PGBD2: variants seen among roughly 807,000 people sequenced by gnomAD.
PGBD2 encodes piggyBac transposable element-derived protein 2.
In PGBD2, 6 loss-of-function variants were observed where a neutral mutation model predicts 8.1. That is an observed-to-expected ratio of 0.74 (90% CI 0.40 to 1.46). PGBD2 has a LOEUF of 1.46. Among genes scored for constraint, PGBD2 ranks in the 40% most tolerant of loss-of-function variants. The probability of loss-of-function intolerance (pLI) is 0.02; values close to 1 mark genes in which losing one functional copy is unlikely to be tolerated. For missense variants in PGBD2, 802 were observed against 739.0 expected (o/e 1.09, Z -0.99); for synonymous variants, 318 against 272.2 (o/e 1.17, Z -1.66).
At chr1:248,888,822 G>A in the PGBD2 span, among the ~76,000 whole-genome samples, 2 of 152,194 alleles carry the variant, frequency 1.3e-5, no homozygotes, top group East Asian at 1.9e-4. Context: ...CAAGGCGAAT[G>A]TCCGGAAGTG....
At chr1:248,897,550 C>A in the PGBD2 span, among the ~76,000 whole-genome samples, 1 of 152,200 alleles carries the variant, frequency 6.6e-6, no homozygotes, top group African/African-American at 2.4e-5. Context: ...GCCTATGCCA[C>A]CAGGGCCTTG....
chr1:248,879,881 A>G, the PGBD2 span, among the ~76,000 whole-genome samples: 6,172 of 152,188 alleles, frequency 0.041, 410 homozygotes, highest in African/African-American at 0.14. Flanking sequence ...ATTTGTAAAT[A>G]TATACACATA....
At chr1:248,894,950 C>T in the PGBD2 span, among the ~76,000 whole-genome samples, 1 of 152,098 alleles carries the variant, frequency 6.6e-6, no homozygotes, top group Non-Finnish European at 1.5e-5. Context: ...TGTGTATGGC[C>T]TGCATCTGGC....
downstream of PGBD2, among the ~76,000 whole-genome samples, chr1:248,921,890 T>G (rs1662293299): frequency 6.6e-6 from 1 of 152,172 alleles, no homozygotes; most frequent in Admixed American, 6.5e-5. Flanking sequence ...TTATTCTGTT[T>G]GTAGCAATTG....
At chr1:248,873,087 T>C in the PGBD2 span, among the ~76,000 whole-genome samples, 29 of 152,220 alleles carry the variant, frequency 1.9e-4, no homozygotes, top group African/African-American at 7.0e-4. Context: ...CTATTTACCG[T>C]TGTGTTCCCA....
chr1:248,874,889 T>C, the PGBD2 span, among the ~76,000 whole-genome samples: 1 of 148,740 alleles, frequency 6.7e-6, no homozygotes, highest in African/African-American at 2.5e-5. Flanking sequence ...CCAAGGTAGA[T>C]AGATAGGTAG....
chr1:248,874,283 C>T, the PGBD2 span, among the ~76,000 whole-genome samples: 3 of 152,200 alleles, frequency 2.0e-5, no homozygotes, highest in Non-Finnish European at 2.9e-5. Flanking sequence ...TCGGCGCTCT[C>T]ACCGCCGCGG....
At chr1:248,884,873 C>T in the PGBD2 span, among the ~76,000 whole-genome samples, 1 of 152,250 alleles carries the variant, frequency 6.6e-6, no homozygotes, top group African/African-American at 2.4e-5. Context: ...TCATGCCTGG[C>T]ATGGTCTTAG....
chr1:248,929,510 A>G, the PGBD2 span, among the ~76,000 whole-genome samples: 5 of 152,194 alleles, frequency 3.3e-5, no homozygotes, highest in African/African-American at 9.7e-5. Flanking sequence ...AAGAGGGCAG[A>G]AAAAGAAGTA....
intron 1 of PGBD2, chr1:248,912,765 A>G (rs561233112): frequency 4.6e-5 from 7 of 151,400 alleles, no homozygotes; most frequent in South Asian, 2.1e-4. Context: ...TATTGGTCCA[A>G]TTTTAGTATA....
the PGBD2 span, among the ~76,000 whole-genome samples, chr1:248,894,709 TCTTGCTTG>T: frequency 0.035 from 5,138 of 148,206 alleles, 296 homozygotes; most frequent in African/African-American, 0.12. Context: ...CTCCTTTCTT[TCTTGCTTG>T]CTTGCTTGCT....
At chr1:248,900,641 A>T in the PGBD2 span, among the ~76,000 whole-genome samples, 1 of 152,244 alleles carries the variant, frequency 6.6e-6, no homozygotes, top group South Asian at 2.1e-4. Context: ...TAGCATACTT[A>T]ATGGTCAAAA....
Position 248,918,261 on chromosome 1 carries a change from G to A in PGBD2, c.1677G>A (p.Lys559=), listed in dbSNP as rs774735883. 3 of 1,612,932 alleles carry A rather than the reference G, an allele frequency of 1.9e-6. No individual in the cohort carries two copies. The change falls in exon 3 of 3, where the codon AAG becomes AAA. Residue 559 remains lysine (K), a synonymous_variant. Transcript: ENST00000329291. ...MIGHWIIHQD[K]RTRCALCHSQ... ...GGCACTGGATTATCCATCAGGACAA[G>A]AGGACCCGGTGTGCCCTCTGCCACT... is the stretch of plus-strand genomic sequence containing the variant.
upstream of PGBD2, among the ~76,000 whole-genome samples, chr1:248,903,177 T>C (rs1572267270): frequency 6.6e-6 from 1 of 151,998 alleles, no homozygotes; most frequent in East Asian, 1.9e-4. Context: ...ATCAACTAAT[T>C]CTTAACTTTA....
the PGBD2 span, among the ~76,000 whole-genome samples, chr1:248,892,983 A>G: frequency 2.0e-5 from 3 of 152,218 alleles, no homozygotes; most frequent in African/African-American, 4.8e-5. Context: ...TGTCTATACA[A>G]CTGCACAGGG....
In PGBD2 at chr1:248,917,969, G is replaced by T; in HGVS notation, c.1385G>T (p.Gly462Val). Reference sequence around the variant, plus strand: ...AAGCTGTATCAGGAGAAGGTGGGTGGCGTTGGTAGGATGGATCAGAATATT... The same window carrying T: ...AAGCTGTATCAGGAGAAGGTGGGTGTCGTTGGTAGGATGGATCAGAATATT... Reference protein sequence around the residue: ...LVKLYQEKVGGVGRMDQNIAK... With the variant: ...LVKLYQEKVGVVGRMDQNIAK... Residue 462 changes from glycine (G) to valine (V), a missense_variant, in exon 3 of 3, where the codon GGC becomes GTC. Gly to Val is a moderately radical substitution (Grantham distance 109, BLOSUM62 -3). Transcript: ENST00000329291. 1 of 1,614,188 alleles carries T rather than the reference G, an allele frequency of 6.2e-7. No individual in the cohort carries two copies. Among genetic ancestry groups the T allele is most frequent in the Non-Finnish European group, 8.5e-7 (1 of 1,180,028 alleles).
At chr1:248,898,502 C>T in the PGBD2 span, among the ~76,000 whole-genome samples, 2 of 152,170 alleles carry the variant, frequency 1.3e-5, no homozygotes, top group South Asian at 4.1e-4. Context: ...CATATCCAGC[C>T]ACACTAAGCT....
chr1:248,915,920 TGA>T (rs891585089), intron 2 of PGBD2, among the ~76,000 whole-genome samples: 6 of 152,174 alleles, frequency 3.9e-5, no homozygotes, highest in African/African-American at 1.4e-4. Context: ...CCATTGAGTC[TGA>T]GGGGACAGGA....
chr1:248,888,192 G>A, the PGBD2 span, among the ~76,000 whole-genome samples: 1 of 152,136 alleles, frequency 6.6e-6, no homozygotes, highest in Non-Finnish European at 1.5e-5. Flanking sequence ...CTATATCCAT[G>A]CTATTGTGAA....
Sources: gnomAD v4.1 joint callset for allele counts (sites outside exome capture counted in the v4.1 genomes callset) on GRCh38, gnomAD v4.1.1 for gene constraint, MANE v1.5 for transcripts, NCBI Gene and HGNC (gene_info 2026-07-23, HGNC 2026-07-21) for gene names.